DCC: variants seen among roughly 807,000 people sequenced by gnomAD.
DCC encodes the protein DCC netrin 1 receptor.
A neutral mutation model predicts 172.5 loss-of-function variants in DCC; 58 were observed. The observed-to-expected ratio is 0.34, with a 90% CI of 0.27 to 0.42. DCC has a LOEUF of 0.42. Among genes scored for constraint, DCC ranks in the 10% least tolerant of loss-of-function variants. DCC has a pLI of 1.00. For synonymous variants in DCC, 709 were observed against 644.5 expected, an observed-to-expected ratio of 1.10 and a Z score of -1.52; for missense variants, 1,740 against 1,791.0, an observed-to-expected ratio of 0.97 and a Z score of 0.51.
At chr18:53,517,911 G>A (rs888781014) in intron 27 of DCC, among the ~76,000 whole-genome samples, 4 of 152,102 alleles carry the variant, frequency 2.6e-5, no homozygotes. Context: ...TTGTGTCTGA[G>A]TAAATGCGGC....
chr18:53,318,105 C>T (rs994833468), intron 13 of DCC, among the ~76,000 whole-genome samples: 27 of 152,216 alleles, frequency 1.8e-4, no homozygotes, highest in African/African-American at 6.5e-4. Flanking sequence ...CCTGCTTTCT[C>T]CTGTGGGTAT....
chr18:53,200,504 C>T (rs1045337471), intron 9 of DCC, among the ~76,000 whole-genome samples: 1 of 152,170 alleles, frequency 6.6e-6, no homozygotes. Flanking sequence ...AAGACAGTTG[C>T]TGCAATTACT....
chr18:53,130,383 G>C (rs774504850), intron 7 of DCC, among the ~76,000 whole-genome samples: 1 of 152,090 alleles, frequency 6.6e-6, no homozygotes, highest in African/African-American at 2.4e-5. Flanking sequence ...CCAGGTTATA[G>C]AGCCCGGTGG....
At chr18:53,388,692 C>T (rs1412775490) in intron 16 of DCC, among the ~76,000 whole-genome samples, 1 of 152,212 alleles carries the variant, frequency 6.6e-6, no homozygotes, top group African/African-American at 2.4e-5. Flanking sequence ...AAGAAGAAGA[C>T]TAATAAAACA....
At chr18:52,722,810 T>A (rs2036493602) in intron 1 of DCC, among the ~76,000 whole-genome samples, 1 of 152,218 alleles carries the variant, frequency 6.6e-6, no homozygotes, top group Non-Finnish European at 1.5e-5. Flanking sequence ...CCTTTCTTAC[T>A]GCTTTACCAA....
intron 21 of DCC, among the ~76,000 whole-genome samples, chr18:53,421,610 C>T (rs1022387906): frequency 2.0e-5 from 3 of 152,194 alleles, no homozygotes; most frequent in African/African-American, 7.2e-5. Context: ...TTGGAAGTCA[C>T]TCAGTGTGTG....
intron 16 of DCC, among the ~76,000 whole-genome samples, chr18:53,389,909 C>T (rs1341356202): frequency 6.6e-6 from 1 of 152,050 alleles, no homozygotes; most frequent in Non-Finnish European, 1.5e-5. Context: ...GTATGTTTAC[C>T]AATAAAACTG....
At chr18:53,336,257 T>C (rs1287284403) in intron 14 of DCC, among the ~76,000 whole-genome samples, 2 of 152,154 alleles carry the variant, frequency 1.3e-5, no homozygotes, top group Non-Finnish European at 2.9e-5. Context: ...ATAGTCATAT[T>C]ATATATCTTC....
intron 9 of DCC, among the ~76,000 whole-genome samples, chr18:53,201,512 A>G (rs2055537196): frequency 6.6e-6 from 1 of 152,196 alleles, no homozygotes; most frequent in Non-Finnish European, 1.5e-5. Context: ...GTTCAGAATC[A>G]GAAATGTCCC....
intron 1 of DCC, among the ~76,000 whole-genome samples, chr18:52,700,008 C>A (rs2036080463): frequency 6.7e-6 from 1 of 150,194 alleles, no homozygotes; most frequent in Non-Finnish European, 1.5e-5. Context: ...AAGAGTAGAG[C>A]AATGTATTCT....
chr18:52,664,450 A>G (rs1372125041), intron 1 of DCC, among the ~76,000 whole-genome samples: 2 of 143,638 alleles, frequency 1.4e-5, no homozygotes, highest in Admixed American at 1.4e-4. Context: ...GGCCCCAAAT[A>G]TCTTTTTTCT....
At position 52,433,503 on chromosome 18, in the gene DCC, C is replaced by A. The variant is rs527351942; in HGVS notation, c.91+92625C>A. On this transcript the variant is annotated intron_variant, in intron 1 of 28. Transcript: ENST00000442544. ...GTCCAATTTTGTACCTCTTGCAATA[C>A]ACAACAATTTGGCAAATAATGAATT... is the stretch of plus-strand genomic sequence containing the variant. Among the ~76,000 whole-genome samples the A allele has an allele frequency of 9.2e-5, 14 of 152,198 alleles. 1 individual carries two copies. The highest frequency in any genetic ancestry group is 3.4e-4 in the African/African-American group (14 of 41,560).
intron 1 of DCC, among the ~76,000 whole-genome samples, chr18:52,636,198 G>C (rs750320470): frequency 6.6e-6 from 1 of 152,180 alleles, no homozygotes; most frequent in Non-Finnish European, 1.5e-5. Context: ...CTGGGAGCCC[G>C]CTGGGTTCTG....
chr18:52,527,013 A>C (rs1472611510), intron 1 of DCC, among the ~76,000 whole-genome samples: 4 of 152,228 alleles, frequency 2.6e-5, no homozygotes, highest in African/African-American at 7.2e-5. Flanking sequence ...GTGAGCAAAA[A>C]GAAAGCTCAA....
intron 2 of DCC, among the ~76,000 whole-genome samples, chr18:52,819,114 G>A (rs901580551): frequency 6.6e-6 from 1 of 152,048 alleles, no homozygotes; most frequent in African/African-American, 2.4e-5. Context: ...TTTGCATGTA[G>A]GTAACCCCTG....
At chr18:53,234,591 G>A (rs911914878) in intron 12 of DCC, among the ~76,000 whole-genome samples, 5 of 152,050 alleles carry the variant, frequency 3.3e-5, no homozygotes, top group Middle Eastern at 3.2e-3. Context: ...TTAGGGTCAC[G>A]TGTTTAAAAG....
intron 1 of DCC, among the ~76,000 whole-genome samples, chr18:52,497,919 A>G (rs1018416801): frequency 1.3e-5 from 2 of 152,160 alleles, no homozygotes; most frequent in African/African-American, 4.8e-5. Flanking sequence ...AGGGATTGAC[A>G]TATTTTTGCT....
intron 1 of DCC, among the ~76,000 whole-genome samples, chr18:52,741,462 G>T (rs1214650234): frequency 6.6e-6 from 1 of 152,134 alleles, no homozygotes; most frequent in South Asian, 2.1e-4. Flanking sequence ...CCTGTGCATT[G>T]TAGGATGTGC....
intron 7 of DCC, among the ~76,000 whole-genome samples, chr18:53,096,764 A>G (rs758394837): frequency 2.0e-5 from 3 of 152,158 alleles, no homozygotes; most frequent in Non-Finnish European, 4.4e-5. Flanking sequence ...AGTCTAAGCA[A>G]TTGTTTAAAA....
Sources: allele counts gnomAD v4.1 joint callset (sites outside exome capture counted in the v4.1 genomes callset), GRCh38; gene constraint gnomAD v4.1.1; transcripts MANE v1.5; gene names NCBI Gene and HGNC (gene_info 2026-07-23, HGNC 2026-07-21).